The following ADGRL3 variants were observed in gnomAD, a reference collection of about 807,000 sequenced individuals.
ADGRL3 encodes the protein adhesion G protein-coupled receptor L3.
In ADGRL3, 62 loss-of-function variants were observed where a neutral mutation model predicts 153.5. The observed-to-expected ratio is 0.40, with a 90% CI of 0.33 to 0.50. ADGRL3 has a LOEUF of 0.50. Ranked by LOEUF, ADGRL3 falls within the 20% of genes least tolerant of loss-of-function variation. The pLI is 0.47. For missense variants in ADGRL3, 1,641 were observed against 1,859.4 expected (o/e 0.88, Z 2.16); for synonymous variants, 710 against 672.5 (o/e 1.06, Z -0.86).
chr4:61,611,167 C>T (rs2091292050), intron 5 of ADGRL3, among the ~76,000 whole-genome samples: 1 of 152,012 alleles, frequency 6.6e-6, no homozygotes, highest in Admixed American at 6.6e-5. Context: ...ACTTGTGATT[C>T]CTATCATCCC....
At chr4:61,960,442 G>C (rs1010598224) in intron 17 of ADGRL3, among the ~76,000 whole-genome samples, 7 of 152,158 alleles carry the variant, frequency 4.6e-5, no homozygotes, top group Non-Finnish European at 8.8e-5. Flanking sequence ...AGCAGAACAG[G>C]CCGGAGGGTC....
chr4:61,274,873 T>C (rs1358798971), intron 1 of ADGRL3, among the ~76,000 whole-genome samples: 1 of 152,078 alleles, frequency 6.6e-6, no homozygotes, highest in Non-Finnish European at 1.5e-5. Context: ...AAGGCTGCAG[T>C]GATCATGCCA....
chr4:61,845,150 G>A (rs913151071), intron 9 of ADGRL3, among the ~76,000 whole-genome samples: 25 of 152,016 alleles, frequency 1.6e-4, no homozygotes, highest in African/African-American at 6.0e-4. Context: ...TGTTTTCAAA[G>A]TCTGTTTGCA....
intron 8 of ADGRL3, among the ~76,000 whole-genome samples, chr4:61,787,860 G>C (rs2097295720): frequency 6.6e-6 from 1 of 151,960 alleles, no homozygotes; most frequent in South Asian, 2.1e-4. Context: ...AAAGGTTTAA[G>C]ATGCCTTACC....
At chr4:61,525,144 T>G (rs1470006836) in intron 4 of ADGRL3, among the ~76,000 whole-genome samples, 1 of 60,132 alleles carries the variant, frequency 1.7e-5, no homozygotes, top group Non-Finnish European at 3.2e-5. Flanking sequence ...GCTGTCATAT[T>G]TTAAAGAAGG....
intron 5 of ADGRL3, among the ~76,000 whole-genome samples, chr4:61,612,522 C>T (rs919661867): frequency 6.6e-6 from 1 of 152,178 alleles, no homozygotes; most frequent in African/African-American, 2.4e-5. Flanking sequence ...AAAGAGTTCA[C>T]ATTAGCACAA....
chr4:61,472,104 G>A (rs547906833), intron 2 of ADGRL3, among the ~76,000 whole-genome samples: 1 of 152,006 alleles, frequency 6.6e-6, no homozygotes, highest in African/African-American at 2.4e-5. Context: ...TAAAGGCATT[G>A]CTTATTGAAC....
chr4:61,441,063 C>A (rs1447448342), intron 2 of ADGRL3, among the ~76,000 whole-genome samples: 1 of 152,130 alleles, frequency 6.6e-6, no homozygotes, highest in Admixed American at 6.5e-5. Context: ...CTTTCTTACT[C>A]TTGTCAAACT....
At chr4:61,541,736 A>C (rs1176404621) in intron 4 of ADGRL3, among the ~76,000 whole-genome samples, 2 of 152,028 alleles carry the variant, frequency 1.3e-5, no homozygotes, top group African/African-American at 4.8e-5. Context: ...TTGTGGCTCT[A>C]TGTGTGGCCT....
chr4:61,759,891 T>G (rs372661948), intron 8 of ADGRL3, among the ~76,000 whole-genome samples: 34 of 152,304 alleles, frequency 2.2e-4, no homozygotes, highest in Middle Eastern at 3.4e-3. Context: ...CTCTTAACCA[T>G]CAGGACCCTC....
chr4:61,784,254 A>G (rs2097251562), intron 8 of ADGRL3, among the ~76,000 whole-genome samples: 1 of 152,160 alleles, frequency 6.6e-6, no homozygotes, highest in African/African-American at 2.4e-5. Context: ...TGAACAGCCT[A>G]TATCAAGGAT....
intron 1 of ADGRL3, among the ~76,000 whole-genome samples, chr4:61,226,744 G>A (rs1748141920): frequency 6.6e-6 from 1 of 152,008 alleles, no homozygotes; most frequent in Non-Finnish European, 1.5e-5. Context: ...GTGGGAATGT[G>A]GCATGAAGTT....
rs189711154 is a variant in ADGRL3, at chr4:61,974,477, G to A, written c.2806-5086G>A. ...CATTTATATAGGCTTTTTATTAAAC[G>A]AAAATTGCTATTGAGCATGAAAAAA... On this transcript the variant is annotated intron_variant, in intron 17 of 26. Coordinates refer to ENST00000683033, the MANE Select transcript of ADGRL3 (RefSeq NM_001387552.1). Among the ~76,000 whole-genome samples, 462 of 151,876 alleles carry A rather than the reference G, an allele frequency of 3.0e-3. 1 individual carries two copies. The highest frequency in any genetic ancestry group is 0.011 in the African/African-American group (437 of 41,426).
chr4:61,859,173 T>A (rs1002533351), intron 9 of ADGRL3, among the ~76,000 whole-genome samples: 4 of 152,208 alleles, frequency 2.6e-5, no homozygotes, highest in African/African-American at 9.6e-5. Flanking sequence ...GAAATAGAGC[T>A]GACATTTGAA....
In ADGRL3 at chr4:61,517,426, A is replaced by T; in HGVS notation, c.167A>T (p.Glu56Val). 1 of 793,680 alleles carries T rather than the reference A, an allele frequency of 1.3e-6. No individual in the cohort carries two copies. The highest frequency in any genetic ancestry group is 2.1e-6 in the Non-Finnish European group (1 of 467,968). The allele number at this position is 793,680 out of a possible 1,614,324, so 49.2% of individuals were successfully genotyped here. A position where few individuals can be genotyped will look rare whatever the true frequency, so the allele number is the denominator to read the frequency against. ...CATCTGCTTCAGCAGCCAGCTGCAG[A>T]GCGCACCGCTGCTCATCGTGGACAA... is the stretch of plus-strand genomic sequence containing the variant. ...PRHLLQQPAA[E>V]RTAAHRGQGP... Residue 56 changes from glutamate (E) to valine (V), a missense_variant, in exon 4 of 27, where the codon GAG (glutamate) becomes GTG (valine). Around this residue, in one of 5 missense-constraint regions of ADGRL3, gnomAD observed 145 missense variants for 79.1 expected, o/e 1.83. Transcript: ENST00000683033.
chr4:61,328,618 A>T (rs2095510511), intron 1 of ADGRL3, among the ~76,000 whole-genome samples: 1 of 152,182 alleles, frequency 6.6e-6, no homozygotes, highest in Non-Finnish European at 1.5e-5. Context: ...TGTTCATTTT[A>T]TATTTTATTA....
intron 19 of ADGRL3, among the ~76,000 whole-genome samples, chr4:61,992,506 C>T (rs898692904): frequency 6.6e-6 from 1 of 152,110 alleles, no homozygotes; most frequent in Non-Finnish European, 1.5e-5. Context: ...TTTGAGAAAG[C>T]CAGCATGTGG....
rs995960474 is a variant in ADGRL3 at position 61,344,577 on chromosome 4, CT to C, written c.-239-38537del. ...CCTGAAACTCAAGAAAGCTATAAGA[CT>C]TTTTTTTTTCTTTTGAAGTTTCTTT... On this transcript the variant is annotated intron_variant, in intron 1 of 26. Coordinates refer to ENST00000683033, the MANE Select transcript of ADGRL3 (RefSeq NM_001387552.1). Among the ~76,000 whole-genome samples, 630 of 149,488 alleles carry C rather than the reference CT, an allele frequency of 4.2e-3. 3 individuals carry two copies. Among genetic ancestry groups the C allele is most frequent in the African/African-American group, 0.014 (582 of 40,738 alleles).
At chr4:61,284,369 T>C (rs1560424753) in intron 1 of ADGRL3, among the ~76,000 whole-genome samples, 1 of 151,924 alleles carries the variant, frequency 6.6e-6, no homozygotes, top group Non-Finnish European at 1.5e-5. Context: ...CCTTCTGAAA[T>C]ATCAGCATCA....
Sources: allele counts gnomAD v4.1 joint callset (sites outside exome capture counted in the v4.1 genomes callset), GRCh38; gene constraint gnomAD v4.1.1; regional missense constraint gnomAD v4.1.1; transcripts MANE v1.5; gene names NCBI Gene and HGNC (gene_info 2026-07-23, HGNC 2026-07-21).